ZBTB4: variants seen among roughly 807,000 people sequenced by gnomAD.
ZBTB4 encodes the protein zinc finger and BTB domain containing 4, also known as zinc finger and BTB domain-containing protein 4.
In ZBTB4, 14 loss-of-function variants were observed where a neutral mutation model predicts 59.8. The ratio of observed to expected loss-of-function variants is 0.23; its 90% CI spans 0.15 to 0.37. The LOEUF (loss-of-function observed/expected upper bound fraction) is 0.37, where lower values mean the gene tolerates loss of function less well. Ranked by LOEUF, ZBTB4 falls within the 10% of genes least tolerant of loss-of-function variation. The probability of loss-of-function intolerance (pLI) is 1.00; values close to 1 mark genes in which losing one functional copy is unlikely to be tolerated. For synonymous variants in ZBTB4, 587 were observed against 575.2 expected, an observed-to-expected ratio of 1.02 and a Z score of -0.29; for missense variants, 1,198 against 1,380.8, an observed-to-expected ratio of 0.87 and a Z score of 2.10.
chr17:7,470,054 C>A (rs1334895087), intron 1 of ZBTB4, among the ~76,000 whole-genome samples: 2 of 151,908 alleles, frequency 1.3e-5, no homozygotes, highest in African/African-American at 4.8e-5. Context: ...TGCACTCCAG[C>A]CTGGTGACAG....
intron 1 of ZBTB4, among the ~76,000 whole-genome samples, chr17:7,468,375 A>C (rs2070155967): frequency 9.8e-6 from 1 of 101,850 alleles, no homozygotes; most frequent in Non-Finnish European, 2.4e-5. Flanking sequence ...CTCCGTCTCA[A>C]AAAAAAACCC....
intron 1 of ZBTB4, among the ~76,000 whole-genome samples, chr17:7,478,915 C>G (rs1325391608): frequency 6.6e-6 from 1 of 152,226 alleles, no homozygotes; most frequent in Non-Finnish European, 1.5e-5. Flanking sequence ...ACAAGACACA[C>G]GATCTCCAAG....
chr17:7,478,791 T>C lies in ZBTB4; in HGVS notation c.-81+665A>G, dbSNP rs545328844. Among the ~76,000 whole-genome samples the C allele has an allele frequency of 1.2e-4, 19 of 152,264 alleles. No homozygotes were observed. In the East Asian group the frequency reaches 2.5e-3, roughly 20 times the overall value. ...GTCTTGTAACTCTGCCCCACAACAC[T>C]GGACACCCTTCCTGGCTTTCTATCT... On this transcript the variant is annotated intron_variant, in intron 1 of 3. Coordinates refer to ENST00000380599, the MANE Select transcript of ZBTB4 (RefSeq NM_001128833.2).
At chr17:7,465,006 A>G (rs1426732692) in intron 3 of ZBTB4, among the ~76,000 whole-genome samples, 1 of 150,382 alleles carries the variant, frequency 6.6e-6, no homozygotes, top group Admixed American at 6.6e-5. Flanking sequence ...AATACAAAAA[A>G]TTAGCCGGGC....
intron 3 of ZBTB4, 103 bp downstream of exon 3, chr17:7,465,608 A>C (rs1396068269): frequency 6.9e-7 from 1 of 1,446,262 alleles, no homozygotes; most frequent in Non-Finnish European, 9.1e-7. Context: ...GCCTAGTTTC[A>C]GGATAACTTT....
chr17:7,462,472 G>A lies in ZBTB4; in HGVS notation c.2510C>T (p.Ala837Val). 6.2e-7 allele frequency: 1 copy of A among 1,613,874 alleles called. No homozygotes were observed. Among genetic ancestry groups the A allele is most frequent in the Non-Finnish European group, 8.5e-7 (1 of 1,180,010 alleles). Residue 837 changes from alanine (A) to valine (V), a missense_variant, in exon 4 of 4, where the codon GCT becomes GTT. Coordinates refer to ENST00000380599, the MANE Select transcript of ZBTB4 (RefSeq NM_001128833.2). The surrounding 1 kb of genome is among the most constrained non-coding windows in gnomAD (Gnocchi z 7.5). ...SSGEAGGGST[A>V]AEEASETASL... ...GGCGGTCTCGGAAGCTTCCTCAGCA[G>A]CAGTGCTCCCGCCACCTGCCTCACC...
rs546057177 is a variant in ZBTB4 at position 7,465,085 on chromosome 17, A to G, written c.1091+626T>C. 8.9e-3 allele frequency among the ~76,000 whole-genome samples: 1,244 copies of G among 139,150 alleles called. 11 individuals are homozygous for G. Among genetic ancestry groups the G allele is most frequent in the Non-Finnish European group, 0.015 (996 of 64,484 alleles). The allele number at this position is 139,150 out of a possible 152,430, so 91.3% of individuals were successfully genotyped here. A position where few individuals can be genotyped will look rare whatever the true frequency, so the allele number is the denominator to read the frequency against. Reference sequence around the variant, plus strand: ...GCAGGAGAATGGCGTGAACCTGGGAAGTGGAGCTTGCAGTGAGCCGAGATC... The same window carrying G: ...GCAGGAGAATGGCGTGAACCTGGGAGGTGGAGCTTGCAGTGAGCCGAGATC... On this transcript the variant is annotated intron_variant, in intron 3 of 3. Transcript: ENST00000380599.
intron 1 of ZBTB4, 82 bp from the exon 2 acceptor site, chr17:7,467,409 G>A: frequency 6.3e-6 from 2 of 319,252 alleles, no homozygotes; most frequent in Non-Finnish European, 9.1e-6. Flanking sequence ...GAGAGGAAAA[G>A]CCCCCAGGAA....
At chr17:7,465,072 C>G (rs1412815015) in intron 3 of ZBTB4, among the ~76,000 whole-genome samples, 4 of 146,608 alleles carry the variant, frequency 2.7e-5, no homozygotes, top group Non-Finnish European at 4.5e-5. Context: ...AGGAGAATGG[C>G]GTGAACCTGG....
Position 7,465,928 on chromosome 17 carries a change from A to G in ZBTB4, c.874T>C (p.Phe292Leu). ...ACCACGTGCTCGGGGCCCCCTCGGA[A>G]GCCCACTGGTGGAGGCAGGGCTGAG... Reference protein sequence around the residue: ...DASALPPPVGFRGGPEHVVKV... With the variant: ...DASALPPPVGLRGGPEHVVKV... The change falls in exon 3 of 4, where the codon TTC becomes CTC. Residue 292 changes from phenylalanine to leucine, a missense_variant. This residue lies in a region of ZBTB4 where 204 missense variants were observed against 205.5 expected (regional missense o/e 0.99). Coordinates refer to ENST00000380599, the MANE Select transcript of ZBTB4 (RefSeq NM_001128833.2). The G allele has an allele frequency of 1.9e-6, 3 of 1,609,776 alleles. No individual in the cohort carries two copies. The highest frequency in any genetic ancestry group is 1.1e-5 in the South Asian group (1 of 90,854).
chr17:7,474,346 T>TAGCTGGG (rs2070240642), intron 1 of ZBTB4, among the ~76,000 whole-genome samples: 1 of 150,738 alleles, frequency 6.6e-6, no homozygotes, highest in South Asian at 2.1e-4. Flanking sequence ...GCCTCCCAAG[T>TAGCTGGG]AGCTGGGACT....
rs1229015538 is a variant in ZBTB4 at position 7,461,284 on chromosome 17, G to C, written c.*656C>G. 6.5e-6 allele frequency: 1 copy of C among 152,706 alleles called. No homozygotes were observed. Among genetic ancestry groups the C allele is most frequent in the South Asian group, 2.1e-4 (1 of 4,832 alleles). The allele number at this position is 152,706 out of a possible 1,614,324, so 9.5% of individuals were successfully genotyped here. On this transcript the variant is annotated 3_prime_UTR_variant, in exon 4 of 4. Coordinates refer to ENST00000380599, the MANE Select transcript of ZBTB4 (RefSeq NM_001128833.2). ...CCCTCCCCCAAACCTCCTTGACCTG[G>C]CTTGGGAGAGGCCATCTCCGAAGTC...
At chr17:7,470,083 A>T (rs924074645) in intron 1 of ZBTB4, among the ~76,000 whole-genome samples, 4 of 152,048 alleles carry the variant, frequency 2.6e-5, no homozygotes, top group Non-Finnish European at 4.4e-5. Context: ...TCTGTCTCAA[A>T]AAATAAATAA....
At position 7,460,301 on chromosome 17, in the gene ZBTB4, CT is replaced by C; in HGVS notation, c.*1638del. ...TCAGGGAGCCTGTCTAAAACCTCCC[CT>C]TTTGTATATGCTGGGAGGGTATGAG... On this transcript the variant is annotated 3_prime_UTR_variant, in exon 4 of 4. Transcript: ENST00000380599. 1 of 152,722 alleles carries C rather than the reference CT, an allele frequency of 6.5e-6. No homozygotes were observed. The highest frequency in any genetic ancestry group is 2.4e-5 in the African/African-American group (1 of 41,564). The allele number at this position is 152,722 out of a possible 1,614,324, so 9.5% of individuals were successfully genotyped here. A position where few individuals can be genotyped will look rare whatever the true frequency, so the allele number is the denominator to read the frequency against.
At chr17:7,481,217 C>T (rs1464063076), upstream of ZBTB4, 2 of 243,876 alleles carry the variant, frequency 8.2e-6, no homozygotes, top group Non-Finnish European at 1.5e-5. Flanking sequence ...GTAATCCCAG[C>T]TACTTGGGAG....
Position 7,460,899 on chromosome 17 carries a change from G to A in ZBTB4, c.*1041C>T, listed in dbSNP as rs933997047. ...GATTGGTGAGGGGAGTGACACTGGG[G>A]AGATGGGAATACAGGTAAGGATGGA... On this transcript the variant is annotated 3_prime_UTR_variant, in exon 4 of 4. Coordinates refer to ENST00000380599, the MANE Select transcript of ZBTB4 (RefSeq NM_001128833.2). 1 of 152,622 alleles carries A rather than the reference G, an allele frequency of 6.6e-6. No individual in the cohort carries two copies. Among genetic ancestry groups the A allele is most frequent in the Non-Finnish European group, 1.5e-5 (1 of 68,048 alleles). The allele number at this position is 152,622 out of a possible 1,614,324, so 9.5% of individuals were successfully genotyped here.
In ZBTB4 at chr17:7,462,890, A is replaced by G. The variant is rs187647637; in HGVS notation, c.2092T>C (p.Trp698Arg). Reference sequence around the variant, plus strand: ...CTCCTCCGTTCCAGCTTCTGCCTCCAACGTGGTGGCCGGCGGCCTCGGGGC... The same window carrying G: ...CTCCTCCGTTCCAGCTTCTGCCTCCGACGTGGTGGCCGGCGGCCTCGGGGC... ...GLPRGRRPPR[W>R]RQKLERRSWE... Residue 698 changes from tryptophan to arginine, a missense_variant, in exon 4 of 4, where the codon TGG (tryptophan) becomes CGG (arginine). Physicochemically the swap from Trp to Arg is moderately radical, Grantham distance 101 (BLOSUM62 -3). Transcript: ENST00000380599. The surrounding 1 kb of genome is among the most constrained non-coding windows in gnomAD (Gnocchi z 7.5). 3.4e-5 allele frequency: 55 copies of G among 1,607,960 alleles called. 1 individual carries two copies. In the East Asian group the frequency reaches 1.1e-3, roughly 33 times the overall value.
intron 1 of ZBTB4, among the ~76,000 whole-genome samples, chr17:7,468,089 G>C (rs2070151806): frequency 6.6e-6 from 1 of 152,248 alleles, no homozygotes; most frequent in African/African-American, 2.4e-5. Flanking sequence ...GGAAGAGCAA[G>C]GCCAGGCGCG....
intron 1 of ZBTB4, among the ~76,000 whole-genome samples, chr17:7,474,907 G>T (rs1037367652): frequency 8.6e-5 from 13 of 151,062 alleles, no homozygotes; most frequent in African/African-American, 3.2e-4. Flanking sequence ...AGCTACTCAG[G>T]TGGCTGAGGC....
Sources: allele counts gnomAD v4.1 joint callset (sites outside exome capture counted in the v4.1 genomes callset), GRCh38; gene constraint gnomAD v4.1.1; regional missense constraint gnomAD v4.1.1; non-coding constraint Gnocchi (gnomAD v3.1); transcripts MANE v1.5; gene names NCBI Gene and HGNC (gene_info 2026-07-23, HGNC 2026-07-21).